Variants in MTMR3 observed in about 807,000 individuals in gnomAD.
MTMR3 encodes the protein phosphatidylinositol-3,5-bisphosphate 3-phosphatase MTMR3.
Under a neutral mutation model 132.4 loss-of-function variants are expected in MTMR3, and 32 were observed. The ratio of observed to expected loss-of-function variants is 0.24; its 90% confidence interval spans 0.18 to 0.32. The LOEUF is 0.32. MTMR3 is among the 10% of genes least tolerant of loss of function. MTMR3 has a pLI of 1.00. For missense variants in MTMR3, 1,216 were observed against 1,489.6 expected (o/e 0.82, Z 3.02); for synonymous variants, 556 against 550.3 (o/e 1.01, Z -0.14).
At position 30,020,551 on chromosome 22, in the gene MTMR3, T is replaced by C. The variant is rs540958369; in HGVS notation, c.2892T>C (p.Gly964=). 2 of 1,614,130 alleles carry C rather than the reference T, an allele frequency of 1.2e-6. No homozygotes were observed. The highest frequency in any genetic ancestry group is 1.7e-6 in the Non-Finnish European group (2 of 1,180,028). The change falls in exon 17 of 20, where the codon GGT becomes GGC. Residue 964 remains glycine, a synonymous_variant. Transcript: ENST00000401950. ...PNGHCANGEA[G]RSKDSLSRQL... is the part of the protein sequence containing the mutation. ...GGCATTGCGCCAATGGGGAGGCTGG[T>C]AGGAGCAAGGACTCACTGAGCCGTC... is the stretch of plus-strand genomic sequence containing the variant.
In MTMR3 at chr22:29,909,965, C is replaced by T. The variant is rs928806401; in HGVS notation, c.-138+26606C>T. 1.1e-4 allele frequency among the ~76,000 whole-genome samples: 17 copies of T among 151,706 alleles called. 3 individuals carry two copies. The highest frequency in any genetic ancestry group is 1.1e-3 in the Admixed American group (17 of 15,242). Reference sequence around the variant, plus strand: ...GATGAGGAGACCGAGACCATCCTGGCTAACACGGTGAAACCCCGTCTCTAC... The same window carrying T: ...GATGAGGAGACCGAGACCATCCTGGTTAACACGGTGAAACCCCGTCTCTAC... On this transcript the variant is annotated intron_variant, in intron 1 of 19. Coordinates refer to ENST00000401950, the MANE Select transcript of MTMR3 (RefSeq NM_021090.4).
chr22:30,007,019 A>G, intron 9 of MTMR3, 95 bp from the exon 10 acceptor site: 1 of 1,317,396 alleles, frequency 7.6e-7, no homozygotes, highest in East Asian at 2.4e-5. Flanking sequence ...ACTTACCTAG[A>G]ATTAGACTGT....
chr22:30,000,209 C>G (rs923565494), intron 8 of MTMR3: 3 of 152,198 alleles, frequency 2.0e-5, no homozygotes, highest in African/African-American at 7.2e-5. Context: ...CGCCTGTAAT[C>G]CCAGCACTTT....
intron 1 of MTMR3, among the ~76,000 whole-genome samples, chr22:29,920,497 T>A (rs1005049277): frequency 5.9e-5 from 9 of 152,130 alleles, no homozygotes; most frequent in Admixed American, 5.9e-4. Flanking sequence ...CCTGAAAGAA[T>A]TTGTGGTATT....
intron 7 of MTMR3, chr22:29,991,871 G>C (rs138716119): frequency 2.1e-6 from 1 of 468,100 alleles, no homozygotes; most frequent in East Asian, 3.6e-5. Context: ...ACACTAGAAG[G>C]CATCACAATC....
chr22:30,005,666 G>A (rs1290205787), intron 9 of MTMR3: 1 of 152,160 alleles, frequency 6.6e-6, no homozygotes, highest in Non-Finnish European at 1.5e-5. Flanking sequence ...AGGGAGGGAG[G>A]CTTTAAAAAC....
intron 12 of MTMR3, chr22:30,009,526 T>C (rs1015169474): frequency 1.2e-5 from 2 of 166,574 alleles, no homozygotes; most frequent in African/African-American, 4.8e-5. Flanking sequence ...ACTGGGATGT[T>C]TTATCATGAA....
chr22:30,020,355 T>C lies in MTMR3; in HGVS notation c.2696T>C (p.Val899Ala). 1 of 1,614,176 alleles carries C rather than the reference T, an allele frequency of 6.2e-7. No homozygotes were observed. Among genetic ancestry groups the C allele is most frequent in the Non-Finnish European group, 8.5e-7 (1 of 1,180,022 alleles). The change falls in exon 17 of 20, where the codon GTG (valine) becomes GCG (alanine). Residue 899 changes from valine to alanine, a missense_variant. Coordinates refer to ENST00000401950, the MANE Select transcript of MTMR3 (RefSeq NM_021090.4). ...GAGAGGCCCCAAGTGGGGTCTGTGG[T>C]GCATAGGACTTCCCTTGGCAGCACT... ...LVERPQVGSV[V>A]HRTSLGSTLS...
chr22:29,949,197 G>A (rs368911457), intron 1 of MTMR3, among the ~76,000 whole-genome samples: 10 of 124,840 alleles, frequency 8.0e-5, no homozygotes, highest in Admixed American at 3.1e-4. Context: ...ATGCGTGCGC[G>A]TGCACGCGCG....
intron 1 of MTMR3, among the ~76,000 whole-genome samples, chr22:29,945,712 G>GAAAA (rs1238843477): frequency 1.3e-5 from 1 of 78,110 alleles, no homozygotes; most frequent in Admixed American, 1.2e-4. Context: ...TCTTTAAAAT[G>GAAAA]AAAAAGAAAA....
At chr22:29,972,477 CT>C (rs1431445221) in intron 3 of MTMR3, among the ~76,000 whole-genome samples, 1 of 152,112 alleles carries the variant, frequency 6.6e-6, no homozygotes, top group African/African-American at 2.4e-5. Flanking sequence ...ATGTATGTAT[CT>C]TTTGTTTTTG....
intron 1 of MTMR3, among the ~76,000 whole-genome samples, chr22:29,938,936 C>T (rs1262983219): frequency 1.3e-5 from 2 of 152,088 alleles, no homozygotes; most frequent in African/African-American, 4.8e-5. Flanking sequence ...ATTCTCCTGC[C>T]TCAGCCTCCT....
chr22:29,887,099 A>G (rs544790804), intron 1 of MTMR3, among the ~76,000 whole-genome samples: 48 of 152,328 alleles, frequency 3.2e-4, no homozygotes, highest in South Asian at 1.9e-3. Flanking sequence ...TGTGATATCA[A>G]TACTGATATG....
chr22:29,894,483 G>A (rs986660161), intron 1 of MTMR3, among the ~76,000 whole-genome samples: 3 of 149,484 alleles, frequency 2.0e-5, no homozygotes, highest in African/African-American at 7.4e-5. Flanking sequence ...AACTCAGCCC[G>A]AACTCCCAAG....
intron 5 of MTMR3, chr22:29,982,541 CA>C (rs1227444024): frequency 2.6e-5 from 4 of 152,212 alleles, no homozygotes; most frequent in Non-Finnish European, 1.5e-5. Flanking sequence ...AAAGCCCAGA[CA>C]TACCAGCATA....
rs781132422 is a variant in MTMR3, at chr22:30,018,090, C to T, written c.1820+18C>T. ...CTGAGCCGGTGAGCCCAGGGTGATG[C>T]CACAGGCCTGACAGCCTGTGTGGGT... On this transcript the variant is annotated intron_variant, in intron 16 of 19. Coordinates refer to ENST00000401950, the MANE Select transcript of MTMR3 (RefSeq NM_021090.4). 2.5e-6 allele frequency: 4 copies of T among 1,584,576 alleles called. No individual in the cohort carries two copies. The highest frequency in any genetic ancestry group is 3.4e-6 in the Non-Finnish European group (4 of 1,169,002).
intron 1 of MTMR3, among the ~76,000 whole-genome samples, chr22:29,930,927 A>G (rs1263232826): frequency 6.7e-6 from 1 of 149,684 alleles, no homozygotes; most frequent in Admixed American, 6.7e-5. Flanking sequence ...GGATCACTTG[A>G]TCCTGGGAGG....
At position 30,023,190 on chromosome 22, in the gene MTMR3, T is replaced by C. The variant is rs530637068; in HGVS notation, c.3425+493T>C. On this transcript the variant is annotated intron_variant, in intron 19 of 19. Coordinates refer to ENST00000401950, the MANE Select transcript of MTMR3 (RefSeq NM_021090.4). ...CAATCATTAAGGTTCCTGACTTCTTTTTCCTTCTGGGTTAGGGTAGTGAGT... is the reference window on the plus strand; with the variant it reads ...CAATCATTAAGGTTCCTGACTTCTTCTTCCTTCTGGGTTAGGGTAGTGAGT... The C allele has an allele frequency of 5.9e-6, 3 of 510,518 alleles. No individual in the cohort carries two copies. In the South Asian group the frequency reaches 6.7e-5, roughly 11 times the overall value. 31.6% of individuals were successfully genotyped at this position (510,518 alleles called of 1,614,324 possible).
At chr22:29,957,866 CA>C (rs2066230654) in intron 2 of MTMR3, among the ~76,000 whole-genome samples, 1 of 152,124 alleles carries the variant, frequency 6.6e-6, no homozygotes, top group South Asian at 2.1e-4. Context: ...AGACACTACA[CA>C]TTCATATGAC....
Sources: allele counts gnomAD v4.1 joint callset (sites outside exome capture counted in the v4.1 genomes callset), GRCh38; gene constraint gnomAD v4.1.1; transcripts MANE v1.5; gene names NCBI Gene and HGNC (gene_info 2026-07-23, HGNC 2026-07-21).